PRKCI: variants seen among roughly 807,000 people sequenced by gnomAD.
PRKCI encodes the protein protein kinase C iota.
In PRKCI, 43 loss-of-function variants were observed where a neutral mutation model predicts 84.0. The ratio of observed to expected loss-of-function variants is 0.51; its 90% CI spans 0.40 to 0.66. PRKCI has a LOEUF of 0.66. Ranked by LOEUF, PRKCI falls within the 30% of genes least tolerant of loss-of-function variation. PRKCI has a pLI of 0.00. For missense variants in PRKCI, 459 were observed against 745.6 expected, an observed-to-expected ratio of 0.62 and a Z score of 4.48; for synonymous variants, 216 against 234.4, an observed-to-expected ratio of 0.92 and a Z score of 0.72.
intron 1 of PRKCI, among the ~76,000 whole-genome samples, chr3:170,234,368 A>C (rs1732888711): frequency 6.6e-6 from 1 of 152,192 alleles, no homozygotes; most frequent in African/African-American, 2.4e-5. Flanking sequence ...CAGATGTCTT[A>C]AAAGTATTTG....
rs112456908 is a variant in PRKCI, at chr3:170,280,023, C to T, written c.706-204C>T. On this transcript the variant is annotated intron_variant, in intron 8 of 17. Transcript: ENST00000295797. ...ACTCCCTCCCCATTCTTATTACCATCCCTCTTATCTCAAAATTCATCCATA... is the reference window on the plus strand; with the variant it reads ...ACTCCCTCCCCATTCTTATTACCATTCCTCTTATCTCAAAATTCATCCATA... 18 of 402,874 alleles carry T rather than the reference C, an allele frequency of 4.5e-5. No individual in the cohort carries two copies. The South Asian group carries it at 1.2e-3, about 27-fold the overall frequency. The allele number at this position is 402,874 out of a possible 1,614,324, so 25.0% of individuals were successfully genotyped here. A position where few individuals can be genotyped will look rare whatever the true frequency, so the allele number is the denominator to read the frequency against.
chr3:170,295,739 G>A (rs139117001), intron 14 of PRKCI, among the ~76,000 whole-genome samples, 172 bp from the exon 15 acceptor site: 1,975 of 152,058 alleles, frequency 0.013, 46 homozygotes, highest in African/African-American at 0.045. Context: ...CAGCTACTTG[G>A]GAGGTTGAGG....
chr3:170,254,293 C>T (rs2650229), intron 2 of PRKCI, among the ~76,000 whole-genome samples: 38,520 of 151,796 alleles, frequency 0.25, 5,565 homozygotes, highest in African/African-American at 0.4. Context: ...CTTTGTTTTG[C>T]AGAAACCTAA....
In PRKCI at chr3:170,284,757, A is replaced by G. The variant is rs190224504; in HGVS notation, c.1203+161A>G. ...AGACAAATGTACTTTTTTTCTAACC[A>G]TTTGCAAAATTTGTATCTTCTGTGT... On this transcript the variant is annotated intron_variant, in intron 12 of 17. Coordinates refer to ENST00000295797, the MANE Select transcript of PRKCI (RefSeq NM_002740.6). 4.0e-3 allele frequency among the ~76,000 whole-genome samples: 606 copies of G among 152,304 alleles called. 21 individuals are homozygous for G. The highest frequency in any genetic ancestry group is 0.037 in the Admixed American group (560 of 15,288).
chr3:170,232,353 C>G (rs902734213), intron 1 of PRKCI, among the ~76,000 whole-genome samples: 1 of 151,076 alleles, frequency 6.6e-6, no homozygotes, highest in Non-Finnish European at 1.5e-5. Context: ...CCTGGCTGCA[C>G]TCATTTATTT....
At chr3:170,256,557 A>G (rs992379106) in intron 2 of PRKCI, among the ~76,000 whole-genome samples, 3 of 151,830 alleles carry the variant, frequency 2.0e-5, no homozygotes, top group African/African-American at 7.3e-5. Context: ...TGGGTCTTGT[A>G]TCTTTTATTT....
intron 2 of PRKCI, among the ~76,000 whole-genome samples, chr3:170,248,663 G>A (rs1733356452): frequency 6.6e-6 from 1 of 152,150 alleles, no homozygotes; most frequent in Non-Finnish European, 1.5e-5. Flanking sequence ...TTGAACATAC[G>A]TAGAATCAGT....
At chr3:170,261,015 G>T (rs118062387) in intron 3 of PRKCI, among the ~76,000 whole-genome samples, 2,352 of 151,942 alleles carry the variant, frequency 0.015, 41 homozygotes, top group East Asian at 0.086. Context: ...GGAGTGCATT[G>T]GTGCAGTCAT....
chr3:170,243,382 C>G (rs906721090), intron 2 of PRKCI, among the ~76,000 whole-genome samples: 1 of 152,054 alleles, frequency 6.6e-6, no homozygotes, highest in African/African-American at 2.4e-5. Flanking sequence ...AGTATTCTAT[C>G]CTGTGGATGT....
intron 2 of PRKCI, among the ~76,000 whole-genome samples, chr3:170,240,980 A>G (rs1028094184): frequency 6.6e-6 from 1 of 152,234 alleles, no homozygotes; most frequent in African/African-American, 2.4e-5. Flanking sequence ...CTTGTGTAAC[A>G]AAAGTGTGGG....
chr3:170,258,806 A>G (rs1268987046), intron 2 of PRKCI, among the ~76,000 whole-genome samples: 1 of 151,706 alleles, frequency 6.6e-6, no homozygotes, highest in African/African-American at 2.4e-5. Context: ...CATTTCTGTG[A>G]CTCCTTTGAG....
Position 170,284,575 on chromosome 3 carries a change from CACTG to C in PRKCI, c.1186_1189del (p.Asp396ThrfsTer29), listed in dbSNP as rs766561254. On this transcript the variant is annotated frameshift_variant, in exon 12 of 18. Transcript: ENST00000295797. LOFTEE classifies it high-confidence loss of function. ...TGGACTCTGAAGGCCACATTAAACT[CACTG>C]ACTACGGCATGTGTAAGGTGAGGAA... The C allele has an allele frequency of 3.1e-6, 5 of 1,612,564 alleles. No homozygotes were observed. The highest frequency in any genetic ancestry group is 4.2e-6 in the Non-Finnish European group (5 of 1,179,600).
rs950321169 is a variant in PRKCI, at chr3:170,281,888, C to A, written c.987C>A (p.Phe329Leu). 6.3e-7 allele frequency: 1 copy of A among 1,592,246 alleles called. No homozygotes were observed. The highest frequency in any genetic ancestry group is 8.5e-7 in the Non-Finnish European group (1 of 1,171,084). Reference sequence around the variant, plus strand: ...GTTCTCTCCTGTGTTTTAGATTGTTCTTTGTTATAGAGTATGTAAATGGAG... The same window carrying A: ...GTTCTCTCCTGTGTTTTAGATTGTTATTTGTTATAGAGTATGTAAATGGAG... ...HSCFQTESRL[F>L]FVIEYVNGGD... The change falls in exon 11 of 18, where the codon TTC becomes TTA. Residue 329 changes from phenylalanine (F) to leucine (L), a missense_variant. By Grantham distance (22) the Phe-to-Leu change is conservative (BLOSUM62 0). Coordinates refer to ENST00000295797, the MANE Select transcript of PRKCI (RefSeq NM_002740.6).
chr3:170,290,402 C>T (rs1212095731), intron 12 of PRKCI, among the ~76,000 whole-genome samples: 1 of 149,684 alleles, frequency 6.7e-6, no homozygotes, highest in African/African-American at 2.4e-5. Context: ...TGGCCAGTAG[C>T]CCATGTGTAC....
chr3:170,289,910 TAAAA>T (rs1232717674), intron 12 of PRKCI, among the ~76,000 whole-genome samples: 1 of 149,286 alleles, frequency 6.7e-6, no homozygotes, highest in East Asian at 2.0e-4. Flanking sequence ...AACTCCATCT[TAAAA>T]GAAGAAAAAA....
chr3:170,281,600 G>C (rs558850570), intron 10 of PRKCI: 1 of 422,278 alleles, frequency 2.4e-6, no homozygotes, highest in East Asian at 3.8e-5. Context: ...AGTCGAAAAT[G>C]ACTTATTTAG....
chr3:170,232,321 G>C (rs181963783), intron 1 of PRKCI, among the ~76,000 whole-genome samples: 5 of 152,148 alleles, frequency 3.3e-5, no homozygotes, highest in African/African-American at 1.2e-4. Flanking sequence ...AAAGTGCTGG[G>C]ATTATGGCAT....
intron 4 of PRKCI, among the ~76,000 whole-genome samples, chr3:170,267,250 G>A (rs1733880367): frequency 1.3e-5 from 2 of 151,872 alleles, no homozygotes; most frequent in South Asian, 4.2e-4. Context: ...TTGTAGTGAT[G>A]AAAGTAAATA....
rs190462189 is a variant in PRKCI, at chr3:170,270,645, G to A, written c.591+84G>A. 8.4e-6 allele frequency: 12 copies of A among 1,429,690 alleles called. No individual in the cohort carries two copies. The East Asian group carries it at 2.8e-4, about 34-fold the overall frequency. 88.6% of individuals were successfully genotyped at this position (1,429,690 alleles called of 1,614,324 possible). A position where few individuals can be genotyped will look rare whatever the true frequency, so the allele number is the denominator to read the frequency against. The stretch of plus-strand genomic sequence containing the variant: ...TATAACAGAGTGCTAAAATAGGGAG[G>A]TGTTCAGGAATTACAGCACAACAGA... On this transcript the variant is annotated intron_variant, in intron 6 of 17. Transcript: ENST00000295797.
Sources: gnomAD v4.1 joint callset for allele counts (sites outside exome capture counted in the v4.1 genomes callset) on GRCh38, gnomAD v4.1.1 for gene constraint, MANE v1.5 for transcripts, NCBI Gene and HGNC (gene_info 2026-07-23, HGNC 2026-07-21) for gene names.